GLYATL2: variants seen among roughly 807,000 people sequenced by gnomAD.
GLYATL2 encodes the protein glycine N-acyltransferase-like protein 2.
In GLYATL2, 25 loss-of-function variants were observed where a neutral mutation model predicts 21.4. The ratio of observed to expected loss-of-function variants is 1.17; its 90% CI spans 0.85 to 1.63. The LOEUF is 1.63. Ranked by LOEUF, GLYATL2 falls within the 40% of genes most tolerant of loss-of-function variation. GLYATL2 has a pLI of 0.00. For missense variants in GLYATL2, 361 were observed against 343.3 expected (o/e 1.05, Z -0.41); for synonymous variants, 114 against 118.2 (o/e 0.96, Z 0.23).
chr11:58,886,501 G>T (rs893413155), intron 1 of GLYATL2, among the ~76,000 whole-genome samples: 4 of 152,162 alleles, frequency 2.6e-5, no homozygotes, highest in African/African-American at 9.7e-5. Context: ...CCTTCTCTGA[G>T]TTTCATCATC....
At chr11:58,886,398 C>T (rs1854440542) in intron 1 of GLYATL2, among the ~76,000 whole-genome samples, 2 of 152,164 alleles carry the variant, frequency 1.3e-5, no homozygotes, top group African/African-American at 4.8e-5. Context: ...TATTAAATCA[C>T]ATAGCTGCTG....
upstream of GLYATL2, among the ~76,000 whole-genome samples, chr11:58,849,401 T>C (rs1295430156): frequency 6.6e-6 from 1 of 152,136 alleles, no homozygotes; most frequent in Non-Finnish European, 1.5e-5. Flanking sequence ...ATTACAGGCA[T>C]GAGCCACCAC....
intron 5 of GLYATL2, among the ~76,000 whole-genome samples, chr11:58,835,819 GC>G (rs1423756509): frequency 6.6e-6 from 1 of 152,076 alleles, no homozygotes; most frequent in Non-Finnish European, 1.5e-5. Flanking sequence ...GGTATTTCAT[GC>G]CAGATTTCCA....
intron 1 of GLYATL2, among the ~76,000 whole-genome samples, chr11:58,899,854 G>A (rs1314511172): frequency 6.6e-6 from 1 of 152,066 alleles, no homozygotes; most frequent in Non-Finnish European, 1.5e-5. Context: ...TATAGTTGAT[G>A]CTCAATTTGT....
intron 1 of GLYATL2, among the ~76,000 whole-genome samples, chr11:58,879,921 C>T (rs7105621): frequency 1.2e-3 from 177 of 148,960 alleles, no homozygotes; most frequent in African/African-American, 4.1e-3. Context: ...TGCAGTGGCG[C>T]GATCTCGGCT....
chr11:58,878,264 C>T (rs490828), intron 1 of GLYATL2: 379,049 of 407,518 alleles, frequency 0.93, 178,115 homozygotes, highest in Non-Finnish European at 0.98. Flanking sequence ...TCAGACTGTG[C>T]CAGAAGCAGG....
rs866934052 is a variant in GLYATL2, at chr11:58,834,589, C to T, written c.725G>A (p.Gly242Asp). The T allele has an allele frequency of 6.2e-7, 1 of 1,613,826 alleles. No individual in the cohort carries two copies. Among genetic ancestry groups the T allele is most frequent in the Non-Finnish European group, 8.5e-7 (1 of 1,179,932 alleles). ...YRHQGNMLQI[G>D]YHLEKYLSQK... ...AGAAAGATACTTTTCAAGATGATAA[C>T]CAATTTGCAACATGTTGCCTTGGTG... Residue 242 changes from glycine (G) to aspartate (D), a missense_variant, in exon 6 of 6, where the codon GGT becomes GAT. Gly to Asp is a moderately conservative substitution (Grantham distance 94). Transcript: ENST00000287275.
At chr11:58,892,706 T>C in intron 1 of GLYATL2, 1 of 353,940 alleles carries the variant, frequency 2.8e-6, no homozygotes, top group Non-Finnish European at 5.5e-6. Context: ...AGCTGCATTT[T>C]CAAAGTCAGT....
At chr11:58,873,128 T>C (rs1224092299) in intron 1 of GLYATL2, among the ~76,000 whole-genome samples, 4 of 151,020 alleles carry the variant, frequency 2.6e-5, no homozygotes, top group African/African-American at 9.7e-5. Flanking sequence ...TTTTTGCACA[T>C]TGATTTTGTA....
At chr11:58,886,328 A>G (rs930312144) in intron 1 of GLYATL2, among the ~76,000 whole-genome samples, 9 of 152,196 alleles carry the variant, frequency 5.9e-5, no homozygotes, top group African/African-American at 2.2e-4. Flanking sequence ...TCAACAGAAC[A>G]CTCTTATTAA....
Position 58,871,322 on chromosome 11 carries a change from T to C in GLYATL2, n.60+32834A>G, listed in dbSNP as rs187909367. Among the ~76,000 whole-genome samples the C allele has an allele frequency of 4.9e-3, 752 of 152,216 alleles. 9 individuals are homozygous for C. The highest frequency in any genetic ancestry group is 0.023 in the South Asian group (110 of 4,820). The stretch of plus-strand genomic sequence containing the variant: ...ATTATACTTTAAGTTTTAGGGTACA[T>C]GTGCACAACGTGCAGGTTTGCTACA... On this transcript the variant is annotated intron_variant and non_coding_transcript_variant, in intron 1 of 4. Transcript: ENST00000533636.
At chr11:58,857,475 TC>T (rs1227262271) in intron 1 of GLYATL2, among the ~76,000 whole-genome samples, 2 of 152,058 alleles carry the variant, frequency 1.3e-5, no homozygotes, top group Admixed American at 6.5e-5. Flanking sequence ...TTCTCATCCT[TC>T]TCACTCATCC....
chr11:58,856,046 G>A (rs576068533), intron 1 of GLYATL2, among the ~76,000 whole-genome samples: 5 of 152,156 alleles, frequency 3.3e-5, no homozygotes, highest in Middle Eastern at 3.4e-3. Flanking sequence ...GAGGAGAATC[G>A]CTTGAGCCCA....
chr11:58,839,684 T>A, intron 1 of GLYATL2, 32 bp from the exon 2 acceptor site: 1 of 1,051,746 alleles, frequency 9.5e-7, no homozygotes, highest in Non-Finnish European at 1.4e-6. Flanking sequence ...CAAAAATACC[T>A]AGAGAGATAT....
chr11:58,887,862 G>T (rs1340270375), intron 1 of GLYATL2, among the ~76,000 whole-genome samples: 2 of 152,020 alleles, frequency 1.3e-5, no homozygotes, highest in Non-Finnish European at 2.9e-5. Flanking sequence ...TTTCCAAAAG[G>T]GATATCTCCA....
intron 1 of GLYATL2, among the ~76,000 whole-genome samples, chr11:58,890,324 T>C (rs1016760202): frequency 5.3e-5 from 8 of 152,106 alleles, no homozygotes; most frequent in African/African-American, 1.7e-4. Context: ...ACTAGGTAAA[T>C]AGCCAAAAGA....
chr11:58,891,309 T>A (rs1239302432), intron 1 of GLYATL2, among the ~76,000 whole-genome samples: 3 of 152,222 alleles, frequency 2.0e-5, no homozygotes, highest in Non-Finnish European at 4.4e-5. Context: ...AGTTTGTGGC[T>A]TACCAGAATG....
intron 1 of GLYATL2, among the ~76,000 whole-genome samples, chr11:58,849,770 A>G (rs531283082): frequency 1.2e-4 from 18 of 152,308 alleles, no homozygotes; most frequent in African/African-American, 4.3e-4. Flanking sequence ...GGAACATCAT[A>G]CACTGGAGCC....
At chr11:58,842,242 C>T (rs1442868402) in intron 1 of GLYATL2, among the ~76,000 whole-genome samples, 1 of 152,076 alleles carries the variant, frequency 6.6e-6, no homozygotes, top group East Asian at 1.9e-4. Flanking sequence ...TGGAAGAATA[C>T]TTCTTTCAGT....
Sources: gnomAD v4.1 joint callset for allele counts (sites outside exome capture counted in the v4.1 genomes callset) on GRCh38, gnomAD v4.1.1 for gene constraint, MANE v1.5 for transcripts, NCBI Gene and HGNC (gene_info 2026-07-23, HGNC 2026-07-21) for gene names.